KCNIP4: variants seen among roughly 807,000 people sequenced by gnomAD.
The protein encoded by KCNIP4 is Kv channel-interacting protein 4.
Under a neutral mutation model 34.0 loss-of-function variants are expected in KCNIP4, and 12 were observed. That is an observed-to-expected ratio of 0.35 (90% CI 0.23 to 0.57). The LOEUF is 0.57. Ranked by LOEUF, KCNIP4 falls within the 20% of genes least tolerant of loss-of-function variation. KCNIP4 has a pLI of 0.83. For missense variants in KCNIP4, 238 were observed against 311.7 expected (o/e 0.76, Z 1.78); for synonymous variants, 124 against 102.2 (o/e 1.21, Z -1.29).
chr4:21,130,166 C>G lies in KCNIP4; in HGVS notation c.62-247457G>C, dbSNP rs1312468511. Among the ~76,000 whole-genome samples, 4 of 151,950 alleles carry G rather than the reference C, an allele frequency of 2.6e-5. No individual in the cohort carries two copies. In the East Asian group the frequency reaches 7.7e-4, roughly 29 times the overall value. On this transcript the variant is annotated intron_variant, in intron 1 of 8. Transcript: ENST00000382152. ...TCCCTAAGCCATACTGAATGTCTTG[C>G]AGTTTTGTTAGTCTTGATGCTACAT... is the stretch of plus-strand genomic sequence containing the variant.
chr4:21,348,713 A>G (rs777877914), intron 1 of KCNIP4, among the ~76,000 whole-genome samples: 18 of 152,218 alleles, frequency 1.2e-4, no homozygotes, highest in Non-Finnish European at 1.8e-4. Context: ...CTGCGCTATG[A>G]TATTTTACTT....
intron 1 of KCNIP4, among the ~76,000 whole-genome samples, chr4:21,859,625 T>G (rs1246117645): frequency 8.1e-6 from 1 of 123,972 alleles, no homozygotes; most frequent in African/African-American, 2.6e-5. Context: ...AAGACTCCAT[T>G]TCAAAAAAAA....
intron 1 of KCNIP4, among the ~76,000 whole-genome samples, chr4:21,105,821 G>C (rs558533707): frequency 1.3e-5 from 2 of 151,422 alleles, no homozygotes; most frequent in African/African-American, 4.9e-5. Flanking sequence ...GTTGAATTTT[G>C]TCCAAGGCCT....
intron 1 of KCNIP4, among the ~76,000 whole-genome samples, chr4:20,972,795 C>T (rs1361892023): frequency 6.6e-6 from 1 of 152,146 alleles, no homozygotes; most frequent in African/African-American, 2.4e-5. Flanking sequence ...AAAAAGTTGA[C>T]TTCAACTCTC....
At chr4:21,154,489 C>G (rs936501650) in intron 1 of KCNIP4, among the ~76,000 whole-genome samples, 1 of 152,170 alleles carries the variant, frequency 6.6e-6, no homozygotes, top group Admixed American at 6.5e-5. Context: ...CCTGTGTCAT[C>G]CTCTATTGCT....
chr4:20,845,512 C>T (rs1028699114), intron 3 of KCNIP4, among the ~76,000 whole-genome samples: 1 of 152,158 alleles, frequency 6.6e-6, no homozygotes, highest in African/African-American at 2.4e-5. Flanking sequence ...CTGCTGACTC[C>T]CTTTTTGGAC....
intron 1 of KCNIP4, among the ~76,000 whole-genome samples, chr4:21,784,403 G>A (rs1313055037): frequency 6.7e-6 from 1 of 150,206 alleles, no homozygotes; most frequent in Admixed American, 6.6e-5. Context: ...CTTGCCCAAA[G>A]AAAATATTCT....
chr4:21,628,328 C>T (rs150429711), intron 1 of KCNIP4, among the ~76,000 whole-genome samples: 4 of 152,236 alleles, frequency 2.6e-5, no homozygotes, highest in Non-Finnish European at 4.4e-5. Flanking sequence ...TCAATCCTGC[C>T]GAGTTGCAAT....
chr4:20,889,758 C>A, intron 1 of KCNIP4, among the ~76,000 whole-genome samples: 1 of 130,562 alleles, frequency 7.7e-6, no homozygotes. Flanking sequence ...AAAATAAAAA[C>A]TGGAAGTTCA....
intron 2 of KCNIP4, among the ~76,000 whole-genome samples, chr4:20,880,627 C>T (rs905663587): frequency 3.9e-5 from 6 of 152,130 alleles, no homozygotes; most frequent in Non-Finnish European, 5.9e-5. Flanking sequence ...TACTTCTCTA[C>T]GTGAATACAG....
chr4:21,185,824 T>A (rs1398042996), intron 1 of KCNIP4, among the ~76,000 whole-genome samples: 2 of 152,220 alleles, frequency 1.3e-5, no homozygotes, highest in African/African-American at 4.8e-5. Flanking sequence ...GCATCTACTG[T>A]ATCAGCATGC....
chr4:21,774,582 G>A (rs115869168), intron 1 of KCNIP4, among the ~76,000 whole-genome samples: 4,327 of 152,192 alleles, frequency 0.028, 191 homozygotes, highest in African/African-American at 0.097. Flanking sequence ...CCACTCAATC[G>A]TAGGTTTTGT....
intron 1 of KCNIP4, among the ~76,000 whole-genome samples, chr4:20,994,498 TA>T (rs1029965121): frequency 1.3e-5 from 2 of 152,180 alleles, no homozygotes; most frequent in African/African-American, 4.8e-5. Context: ...TTGAGGAAAG[TA>T]CATTTCAAAA....
intron 1 of KCNIP4, among the ~76,000 whole-genome samples, chr4:21,842,038 CATA>C (rs1723717240): frequency 2.6e-5 from 4 of 152,154 alleles, no homozygotes; most frequent in Non-Finnish European, 4.4e-5. Context: ...CAAGAAACCA[CATA>C]CCTTGGCAGA....
At chr4:20,848,904 T>A in intron 3 of KCNIP4, among the ~76,000 whole-genome samples, 1 of 152,320 alleles carries the variant, frequency 6.6e-6, no homozygotes, top group Middle Eastern at 3.4e-3. Context: ...GTGATTCACC[T>A]CCTCTGAGCA....
At chr4:21,104,941 T>G (rs1162720907) in intron 1 of KCNIP4, among the ~76,000 whole-genome samples, 2 of 151,660 alleles carry the variant, frequency 1.3e-5, no homozygotes, top group Non-Finnish European at 2.9e-5. Context: ...TCTGTTCTGT[T>G]CCATTGGTCT....
At chr4:20,749,584 A>G in intron 5 of KCNIP4, 78 bp downstream of exon 5, 1 of 1,002,984 alleles carries the variant, frequency 1.0e-6, no homozygotes, top group South Asian at 1.6e-5. Flanking sequence ...AAAAATAATC[A>G]TCACCAAACT....
chr4:21,192,942 A>G (rs1560797449), intron 1 of KCNIP4, among the ~76,000 whole-genome samples: 1 of 145,762 alleles, frequency 6.9e-6, no homozygotes, highest in African/African-American at 2.6e-5. Context: ...TACTACTACT[A>G]CTACTACTAC....
intron 2 of KCNIP4, among the ~76,000 whole-genome samples, chr4:20,860,417 C>T (rs1722073528): frequency 6.6e-6 from 1 of 152,134 alleles, no homozygotes; most frequent in African/African-American, 2.4e-5. Flanking sequence ...GGATTATAAG[C>T]GTGAGTCACC....
Sources: allele counts gnomAD v4.1 joint callset (sites outside exome capture counted in the v4.1 genomes callset), GRCh38; gene constraint gnomAD v4.1.1; transcripts MANE v1.5; gene names NCBI Gene and HGNC (gene_info 2026-07-23, HGNC 2026-07-21).